TRPM6: variants seen among roughly 807,000 people sequenced by gnomAD.
The protein encoded by TRPM6 is channel kinase 2.
A neutral mutation model predicts 247.6 loss-of-function variants in TRPM6; 111 were observed. That is an observed-to-expected ratio of 0.45 (90% CI 0.38 to 0.52). The LOEUF is 0.52. Among genes scored for constraint, TRPM6 ranks in the 20% least tolerant of loss-of-function variants. The probability of loss-of-function intolerance (pLI) is 0.00; values close to 1 mark genes in which losing one functional copy is unlikely to be tolerated. For missense variants in TRPM6, 2,126 were observed against 2,421.5 expected (o/e 0.88, Z 2.56); for synonymous variants, 892 against 853.8 (o/e 1.04, Z -0.78).
At chr9:74,824,927 C>T (rs1055140400) in intron 7 of TRPM6, among the ~76,000 whole-genome samples, 1 of 151,860 alleles carries the variant, frequency 6.6e-6, no homozygotes, top group East Asian at 1.9e-4. Context: ...CAAGGGTTTG[C>T]CAGAGTCACC....
At chr9:74,836,180 T>C (rs190203240) in intron 5 of TRPM6, among the ~76,000 whole-genome samples, 8 of 152,334 alleles carry the variant, frequency 5.3e-5, no homozygotes, top group African/African-American at 1.7e-4. Context: ...CTCCATAGAT[T>C]TGCCTTTTCC....
intron 3 of TRPM6, among the ~76,000 whole-genome samples, chr9:74,845,081 C>T (rs1830063924): frequency 6.6e-6 from 1 of 152,096 alleles, no homozygotes; most frequent in Non-Finnish European, 1.5e-5. Flanking sequence ...ACAATAGTGA[C>T]ATCAAAGATC....
At chr9:74,853,251 C>A (rs1042759134) in intron 3 of TRPM6, among the ~76,000 whole-genome samples, 330 of 149,958 alleles carry the variant, frequency 2.2e-3, no homozygotes, top group African/African-American at 7.8e-3. Flanking sequence ...GCCCCTCCGC[C>A]CGGCAGCCGC....
chr9:74,835,559 A>G (rs1436904707), intron 5 of TRPM6, among the ~76,000 whole-genome samples: 1 of 152,110 alleles, frequency 6.6e-6, no homozygotes, highest in African/African-American at 2.4e-5. Flanking sequence ...TAATTAGTAC[A>G]GTAGCCAACA....
At chr9:74,825,185 C>T (rs574188590) in intron 7 of TRPM6, among the ~76,000 whole-genome samples, 45 of 152,242 alleles carry the variant, frequency 3.0e-4, no homozygotes, top group Non-Finnish European at 5.0e-4. Flanking sequence ...TTGTTTGAAC[C>T]AGGGAGGCAG....
chr9:74,761,556 A>G, intron 27 of TRPM6, 140 bp downstream of exon 27: 1 of 682,084 alleles, frequency 1.5e-6, no homozygotes, highest in Non-Finnish European at 2.7e-6. Flanking sequence ...TCTTAAAAAG[A>G]GGAACAAATT....
At chr9:74,838,804 G>T (rs1349944751) in intron 5 of TRPM6, among the ~76,000 whole-genome samples, 2 of 152,070 alleles carry the variant, frequency 1.3e-5, no homozygotes, top group Non-Finnish European at 2.9e-5. Flanking sequence ...GAAAAGTAAA[G>T]GGAAGATAGA....
At chr9:74,751,128 T>C (rs1222204163) in intron 29 of TRPM6, among the ~76,000 whole-genome samples, 1 of 152,232 alleles carries the variant, frequency 6.6e-6, no homozygotes, top group Non-Finnish European at 1.5e-5. Flanking sequence ...CACATTGTTA[T>C]GTCTTATGAA....
At chr9:74,806,682 T>C (rs1381498456) in intron 14 of TRPM6, among the ~76,000 whole-genome samples, 1 of 152,200 alleles carries the variant, frequency 6.6e-6, no homozygotes, top group African/African-American at 2.4e-5. Flanking sequence ...AAAAGGGTCA[T>C]TACTATTCCC....
intron 19 of TRPM6, among the ~76,000 whole-genome samples, chr9:74,789,916 G>A (rs1827837759): frequency 2.3e-5 from 3 of 130,276 alleles, no homozygotes; most frequent in South Asian, 2.5e-4. Flanking sequence ...AGCCGAGATT[G>A]CACCATTGCA....
chr9:74,808,153 G>A lies in TRPM6; in HGVS notation c.1519C>T (p.Arg507Ter), dbSNP rs762641860. Residue 507 changes from arginine to a stop codon, truncating the protein, a stop_gained, in exon 14 of 39, where the codon CGA (arginine) becomes TGA (stop). Transcript: ENST00000360774. LOFTEE classifies it high-confidence loss of function. The part of the protein sequence containing the change: ...VKQHTLLSGY[R>*]ITLIDIGLVV... ...AATCCAATGTCAATCAAGGTTATTC[G>A]GTAGCCTGAAAGAAGGGTATGCTGC... 3.1e-6 allele frequency: 5 copies of A among 1,613,890 alleles called. No homozygotes were observed. The highest frequency in any genetic ancestry group is 3.4e-6 in the Non-Finnish European group (4 of 1,179,906).
chr9:74,842,830 A>T (rs1829987260), intron 3 of TRPM6, among the ~76,000 whole-genome samples: 1 of 152,212 alleles, frequency 6.6e-6, no homozygotes. Flanking sequence ...TGTGCTGGTG[A>T]AGGGTCTTCT....
At chr9:74,810,460 G>A (rs1828691246) in intron 13 of TRPM6, among the ~76,000 whole-genome samples, 1 of 152,080 alleles carries the variant, frequency 6.6e-6, no homozygotes, top group South Asian at 2.1e-4. Flanking sequence ...CTCCAATAAG[G>A]ATAACACAAC....
At position 74,723,291 on chromosome 9, in the gene TRPM6, T is replaced by C. The variant is rs555877648; in HGVS notation, c.*1322A>G. 1.5e-4 allele frequency: 23 copies of C among 152,256 alleles called. No homozygotes were observed. The highest frequency in any genetic ancestry group is 5.3e-4 in the African/African-American group (22 of 41,564). 9.4% of individuals were successfully genotyped at this position (152,256 alleles called of 1,614,324 possible). A position where few individuals can be genotyped will look rare whatever the true frequency, so the allele number is the denominator to read the frequency against. ...TCTGCTCTGGAAGGAAGCAAACACC[T>C]GTGAAACATGTTTTCAGTCTGAAAC... On this transcript the variant is annotated 3_prime_UTR_variant, in exon 39 of 39. Transcript: ENST00000360774.
rs1328982825 is a variant in TRPM6, at chr9:74,820,132, C to A, written c.1134+172G>T. ...TCACTTAGGTATTAAGATCTCCATG[C>A]ATTAGCTATTTATCCTGATTTTCTC... On this transcript the variant is annotated intron_variant, in intron 9 of 38. Transcript: ENST00000360774. 3 of 681,274 alleles carry A rather than the reference C, an allele frequency of 4.4e-6. No homozygotes were observed. In the East Asian group the frequency reaches 8.3e-5, roughly 19 times the overall value. 42.2% of individuals were successfully genotyped at this position (681,274 alleles called of 1,614,324 possible). A position where few individuals can be genotyped will look rare whatever the true frequency, so the allele number is the denominator to read the frequency against.
chr9:74,859,802 A>C (rs904674936), intron 1 of TRPM6, among the ~76,000 whole-genome samples: 1 of 151,902 alleles, frequency 6.6e-6, no homozygotes, highest in Non-Finnish European at 1.5e-5. Flanking sequence ...ATATGTGTCC[A>C]TATTACTTTA....
chr9:74,812,830 C>T (rs1427712608), intron 11 of TRPM6, among the ~76,000 whole-genome samples: 3 of 151,806 alleles, frequency 2.0e-5, no homozygotes, highest in African/African-American at 7.3e-5. Context: ...GTCAAGGCTG[C>T]AGTAAGCCAT....
chr9:74,762,468 A>G lies in TRPM6; in HGVS notation c.4203T>C (p.Asp1401=), dbSNP rs753752345. The change falls in exon 26 of 39, where the codon GAT becomes GAC. Residue 1401 remains aspartate, a synonymous_variant. Transcript: ENST00000360774. ...TPVVSDWASV[D]EPKEKHEPIA... Reference sequence around the variant, plus strand: ...TAGGCTCGTGCTTTTCCTTGGGTTCATCCACTGATGCCCAGTCAGAGACAA... The same window carrying G: ...TAGGCTCGTGCTTTTCCTTGGGTTCGTCCACTGATGCCCAGTCAGAGACAA... 1.2e-6 allele frequency: 2 copies of G among 1,614,150 alleles called. No homozygotes were observed. The highest frequency in any genetic ancestry group is 1.7e-6 in the Non-Finnish European group (2 of 1,180,028).
chr9:74,856,996 T>C (rs1423915713), intron 2 of TRPM6, among the ~76,000 whole-genome samples: 1 of 152,192 alleles, frequency 6.6e-6, no homozygotes, highest in Non-Finnish European at 1.5e-5. Flanking sequence ...CTTGAGTCTA[T>C]GGGCTAGTAA....
Sources: gnomAD v4.1 joint callset for allele counts (sites outside exome capture counted in the v4.1 genomes callset) on GRCh38, gnomAD v4.1.1 for gene constraint, MANE v1.5 for transcripts, NCBI Gene and HGNC (gene_info 2026-07-23, HGNC 2026-07-21) for gene names.